The following TFDP2 variants were observed in gnomAD, a reference collection of about 807,000 sequenced individuals.
TFDP2 encodes transcription factor Dp-2 (E2F dimerization partner 2).
In TFDP2, 17 loss-of-function variants were observed where a neutral mutation model predicts 59.3. The observed-to-expected ratio is 0.29, with a 90% CI of 0.20 to 0.43. The LOEUF is 0.43. Among genes scored for constraint, TFDP2 ranks in the 20% least tolerant of loss-of-function variants. TFDP2 has a pLI of 1.00. For missense variants in TFDP2, 391 were observed against 528.8 expected (o/e 0.74, Z 2.56); for synonymous variants, 180 against 194.7 (o/e 0.92, Z 0.63).
In TFDP2 at chr3:141,970,098, G is replaced by C. The variant is rs1939485622; in HGVS notation, c.707C>G (p.Ala236Gly). 1 of 1,614,012 alleles carries C rather than the reference G, an allele frequency of 6.2e-7. No homozygotes were observed. Among genetic ancestry groups the C allele is most frequent in the African/African-American group, 1.3e-5 (1 of 74,924 alleles). ...RRIERIKQKRAQLQELLLQQI... is the reference protein window; with the variant it reads ...RRIERIKQKRGQLQELLLQQI... ...CTGTAGGAGAAGTTCTTGCAGCTGG[G>C]CCCGCTTCTGCTTTATCCGTTCTAT... Residue 236 changes from alanine to glycine, a missense_variant, in exon 9 of 13, where the codon GCC (alanine) becomes GGC (glycine). By Grantham distance (60) the Ala-to-Gly change is moderately conservative. Coordinates refer to ENST00000489671, the MANE Select transcript of TFDP2 (RefSeq NM_001178139.2).
chr3:141,961,237 G>GTTTTTTTTTTTTTT (rs1177754086), intron 10 of TFDP2, among the ~76,000 whole-genome samples: 2 of 84,680 alleles, frequency 2.4e-5, no homozygotes, highest in Admixed American at 1.4e-4. Context: ...GTTTTTTGTT[G>GTTTTTTTTTTTTTT]TTTTTTTTTT....
At chr3:141,999,881 G>T (rs1379447374) in intron 4 of TFDP2, among the ~76,000 whole-genome samples, 1 of 151,912 alleles carries the variant, frequency 6.6e-6, no homozygotes. Context: ...GACTACAGGC[G>T]CCTGCCACCA....
chr3:141,968,355 A>T (rs1183322210), intron 9 of TFDP2, among the ~76,000 whole-genome samples: 3,237 of 127,874 alleles, frequency 0.025, 258 homozygotes, highest in Non-Finnish European at 0.039. Context: ...ACTATATATA[A>T]CATATATCTC....
At chr3:142,075,303 T>C (rs1030575550) in intron 3 of TFDP2, among the ~76,000 whole-genome samples, 34 of 152,188 alleles carry the variant, frequency 2.2e-4, no homozygotes, top group African/African-American at 7.7e-4. Context: ...GCAAATGATA[T>C]ATCTGAAAAG....
Position 141,959,705 on chromosome 3 carries a change from C to A in TFDP2, c.1020G>T (p.Leu340=), listed in dbSNP as rs1453110301. ...SLEDLKLAKS[L]VPKALEGYIT... ...TATAACCTTCTAAAGCCTTTGGCAC[C>A]AGGGATTTCGCAAGTTTCAGATCCT... The change falls in exon 11 of 13, where the codon CTG becomes CTT. Residue 340 remains leucine (L), a synonymous_variant. Coordinates refer to ENST00000489671, the MANE Select transcript of TFDP2 (RefSeq NM_001178139.2). The A allele has an allele frequency of 6.2e-7, 1 of 1,613,968 alleles. No homozygotes were observed. The highest frequency in any genetic ancestry group is 1.3e-5 in the African/African-American group (1 of 74,906).
Position 142,043,883 on chromosome 3 carries a change from C to A in TFDP2, c.83-38339G>T, listed in dbSNP as rs543013435. On this transcript the variant is annotated intron_variant, in intron 3 of 12. Coordinates refer to ENST00000489671, the MANE Select transcript of TFDP2 (RefSeq NM_001178139.2). ...ATATGGCGATCAATCTTCTTAGATT[C>A]ACAGTATCTTCTAAGCAGCCGGCGC... 20 of 1,109,888 alleles carry A rather than the reference C, an allele frequency of 1.8e-5. 1 individual carries two copies. The African/African-American group carries it at 2.1e-4, about 12-fold the overall frequency. The allele number at this position is 1,109,888 out of a possible 1,614,324, so 68.8% of individuals were successfully genotyped here.
intron 6 of TFDP2, among the ~76,000 whole-genome samples, chr3:141,982,564 T>C (rs1941607615): frequency 6.6e-6 from 1 of 152,116 alleles, no homozygotes; most frequent in Non-Finnish European, 1.5e-5. Context: ...GCAGGGTTGT[T>C]TTTCATCCAA....
chr3:142,085,940 G>A (rs1560127974), intron 3 of TFDP2, among the ~76,000 whole-genome samples: 1 of 152,138 alleles, frequency 6.6e-6, no homozygotes, highest in Non-Finnish European at 1.5e-5. Flanking sequence ...TTAGTACCTT[G>A]CCTCTGACTG....
At chr3:141,978,386 C>T in intron 7 of TFDP2, 134 bp downstream of exon 7, 1 of 926,390 alleles carries the variant, frequency 1.1e-6, no homozygotes, top group Non-Finnish European at 1.5e-6. Context: ...TAAAACTCAA[C>T]AACAACAAAA....
chr3:142,126,820 C>T (rs373865511), intron 1 of TFDP2, among the ~76,000 whole-genome samples: 4 of 151,704 alleles, frequency 2.6e-5, no homozygotes, highest in Admixed American at 2.6e-4. Flanking sequence ...TGGTGGCGTG[C>T]CTGTAATCCC....
At chr3:142,125,501 C>T (rs776356232) in intron 1 of TFDP2, among the ~76,000 whole-genome samples, 29 of 151,972 alleles carry the variant, frequency 1.9e-4, no homozygotes, top group African/African-American at 5.1e-4. Context: ...TACACACACA[C>T]GCACACACAC....
chr3:142,038,126 T>C (rs1364545031), intron 3 of TFDP2, among the ~76,000 whole-genome samples: 3 of 152,190 alleles, frequency 2.0e-5, no homozygotes, highest in Admixed American at 1.3e-4. Context: ...GGCACACGCC[T>C]GTAATCCCAG....
At chr3:142,014,022 A>G (rs905721698) in intron 3 of TFDP2, among the ~76,000 whole-genome samples, 43 of 152,326 alleles carry the variant, frequency 2.8e-4, no homozygotes, top group African/African-American at 7.9e-4. Context: ...GTAACTTACT[A>G]TAAGAAATAA....
Position 142,098,765 on chromosome 3 carries a change from C to A in TFDP2, c.15+2970G>T, listed in dbSNP as rs186876219. On this transcript the variant is annotated intron_variant, in intron 2 of 12. Coordinates refer to ENST00000489671, the MANE Select transcript of TFDP2 (RefSeq NM_001178139.2). Reference sequence around the variant, plus strand: ...TTTAAAACACAAAAGTTCTCTCTCTCCTTCTGAGACAAGTATTATGAGGCC... The same window carrying A: ...TTTAAAACACAAAAGTTCTCTCTCTACTTCTGAGACAAGTATTATGAGGCC... Among the ~76,000 whole-genome samples the A allele has an allele frequency of 3.6e-4, 55 of 152,240 alleles. No individual in the cohort carries two copies. In the East Asian group the frequency reaches 7.9e-3, roughly 22 times the overall value.
chr3:141,978,238 G>A (rs1032333035), intron 7 of TFDP2, among the ~76,000 whole-genome samples: 12 of 151,394 alleles, frequency 7.9e-5, no homozygotes, highest in African/African-American at 1.2e-4. Context: ...CCAGCTACGC[G>A]GGAGGCTGAG....
intron 3 of TFDP2, among the ~76,000 whole-genome samples, chr3:142,062,364 TGTATATATACAC>T (rs2059944538): frequency 6.9e-6 from 1 of 145,488 alleles, no homozygotes. Flanking sequence ...AAGGGTCAGC[TGTATATATACAC>T]ATATATATAT....
At position 142,009,712 on chromosome 3, in the gene TFDP2, C is replaced by CA. The variant is rs755542797; in HGVS notation, c.83-4169dup. Among the ~76,000 whole-genome samples the CA allele has an allele frequency of 8.9e-3, 703 of 79,062 alleles. 5 individuals are homozygous for CA. The highest frequency in any genetic ancestry group is 0.025 in the African/African-American group (520 of 21,020). The allele number at this position is 79,062 out of a possible 152,430, so 51.9% of individuals were successfully genotyped here. On this transcript the variant is annotated intron_variant, in intron 3 of 12. Transcript: ENST00000489671. ...GCAACAACAGAGCAAGACTCTGTCTCAAAAAAAAAAAAAAAGAAAGAAAAA... is the reference window on the plus strand; with the variant it reads ...GCAACAACAGAGCAAGACTCTGTCTCAAAAAAAAAAAAAAAAGAAAGAAAAA...
intron 11 of TFDP2, among the ~76,000 whole-genome samples, chr3:141,959,113 C>T (rs915494159): frequency 2.6e-5 from 4 of 151,904 alleles, no homozygotes; most frequent in South Asian, 2.1e-4. Flanking sequence ...CCATCACGCC[C>T]GGCTAATTTT....
intron 3 of TFDP2, among the ~76,000 whole-genome samples, chr3:142,024,364 C>T (rs1490763654): frequency 6.6e-6 from 1 of 152,152 alleles, no homozygotes; most frequent in East Asian, 1.9e-4. Flanking sequence ...GTTCCTGGAT[C>T]AGTTCACAAA....
Sources: allele counts gnomAD v4.1 joint callset (sites outside exome capture counted in the v4.1 genomes callset), GRCh38; gene constraint gnomAD v4.1.1; transcripts MANE v1.5; gene names NCBI Gene and HGNC (gene_info 2026-07-23, HGNC 2026-07-21).